PHACTR2: variants seen among roughly 807,000 people sequenced by gnomAD.
The protein encoded by PHACTR2 is phosphatase and actin regulator 2.
A neutral mutation model predicts 76.0 loss-of-function variants in PHACTR2; 30 were observed. That is an observed-to-expected ratio of 0.39 (90% confidence interval 0.30 to 0.54). The LOEUF (loss-of-function observed/expected upper bound fraction) is 0.54. Among genes scored for constraint, PHACTR2 ranks in the 20% least tolerant of loss-of-function variants. The pLI is 0.61. For missense variants in PHACTR2, 696 were observed against 781.1 expected (o/e 0.89, Z 1.30); for synonymous variants, 292 against 292.5 (o/e 1.00, Z 0.02).
rs1779443326 is a variant in PHACTR2 at position 143,761,590 on chromosome 6, C to G, written c.694+950C>G. ...TCAACATGGTGAAACCCTGTCTCTGCTAAAAATACAAGAATTAGCCAGGCG... is the reference window on the plus strand; with the variant it reads ...TCAACATGGTGAAACCCTGTCTCTGGTAAAAATACAAGAATTAGCCAGGCG... On this transcript the variant is annotated intron_variant, in intron 5 of 12. Transcript: ENST00000440869. The surrounding 1 kb of genome is among the most constrained non-coding windows in gnomAD (Gnocchi z 5.2). Among the ~76,000 whole-genome samples, 1 of 152,018 alleles carries G rather than the reference C, an allele frequency of 6.6e-6. No homozygotes were observed. The highest frequency in any genetic ancestry group is 6.6e-5 in the Admixed American group (1 of 15,246).
At position 143,652,339 on chromosome 6, in the gene PHACTR2, AG is replaced by A. The variant is rs1443762716; in HGVS notation, c.13+44018del. ...ATAAAATATTTTGAAGTTTTTCCAA[AG>A]AAAAGAAACTCTGCCTGGCTGCATC... On this transcript the variant is annotated intron_variant, in intron 1 of 11. Transcript: ENST00000305766. This position sits in a 1 kb window ranked among gnomAD's most constrained non-coding sequence, Gnocchi z 4.5. Among the ~76,000 whole-genome samples the A allele has an allele frequency of 6.6e-6, 1 of 152,238 alleles. No homozygotes were observed. Among genetic ancestry groups the A allele is most frequent in the Non-Finnish European group, 1.5e-5 (1 of 68,048 alleles).
Position 143,774,466 on chromosome 6 carries a change from C to T in PHACTR2, c.1589+251C>T, listed in dbSNP as rs1775227373. On this transcript the variant is annotated intron_variant, in intron 8 of 12. Coordinates refer to ENST00000440869, the MANE Select transcript of PHACTR2 (RefSeq NM_001100164.2). This position sits in a 1 kb window ranked among gnomAD's most constrained non-coding sequence, Gnocchi z 5.4. ...TTTTTTTTAAAGACCAGTTGGCAAA[C>T]ATTTCAGGCTTTGCTGGCCAGACAG... Among the ~76,000 whole-genome samples, 1 of 152,238 alleles carries T rather than the reference C, an allele frequency of 6.6e-6. No individual in the cohort carries two copies. The highest frequency in any genetic ancestry group is 1.5e-5 in the Non-Finnish European group (1 of 68,044).
At chr6:143,749,632 A>T (rs1431461612) in intron 3 of PHACTR2, among the ~76,000 whole-genome samples, 1 of 152,112 alleles carries the variant, frequency 6.6e-6, no homozygotes, top group Non-Finnish European at 1.5e-5. Context: ...CATTTCTCTG[A>T]ATCTTTCCCT....
At chr6:143,629,400 A>G (rs1191199282) in intron 1 of PHACTR2, among the ~76,000 whole-genome samples, 1 of 152,142 alleles carries the variant, frequency 6.6e-6, no homozygotes, top group African/African-American at 2.4e-5. Flanking sequence ...CAAGCTCCAC[A>G]TTGGACAAGG....
In PHACTR2 at chr6:143,818,011, A is replaced by G. The variant is rs1776336926; in HGVS notation, c.1923-5663A>G. The stretch of plus-strand genomic sequence containing the variant: ...AGAATTTTGAATGTTCCTGACACAA[A>G]GAAATGATAAATGTGTAGGATGATT... On this transcript the variant is annotated intron_variant, in intron 12 of 12. Coordinates refer to ENST00000440869, the MANE Select transcript of PHACTR2 (RefSeq NM_001100164.2). The surrounding 1 kb of genome is among the most constrained non-coding windows in gnomAD (Gnocchi z 4.9). Among the ~76,000 whole-genome samples, 1 of 152,236 alleles carries G rather than the reference A, an allele frequency of 6.6e-6. No homozygotes were observed. Among genetic ancestry groups the G allele is most frequent in the Non-Finnish European group, 1.5e-5 (1 of 68,034 alleles).
Position 143,547,549 on chromosome 6 carries a change from C to T in PHACTR2, c.217+10342C>T, listed in dbSNP as rs1040540147. ...CTGTGAGATCTAGAAAGTAAAGGAG[C>T]TTTGAAACAGCCACTGTGACATTTG... On this transcript the variant is annotated intron_variant, in intron 1 of 11. Transcript: ENST00000367584. This position sits in a 1 kb window ranked among gnomAD's most constrained non-coding sequence, Gnocchi z 4.2. Among the ~76,000 whole-genome samples the T allele has an allele frequency of 3.0e-4, 45 of 152,204 alleles. No homozygotes were observed. The highest frequency in any genetic ancestry group is 1.0e-3 in the African/African-American group (42 of 41,498).
In PHACTR2 at chr6:143,598,624, TCTC is replaced by T. The variant is rs1256652504; in HGVS notation, c.217+61418_217+61420del. On this transcript the variant is annotated intron_variant, in intron 1 of 11. Coordinates refer to the PHACTR2 transcript ENST00000367584. This position sits in a 1 kb window ranked among gnomAD's most constrained non-coding sequence, Gnocchi z 4.1. ...CGCAGTCATCTGATGGCAAAGCACT[TCTC>T]TAAGAACAACCACATGGCTTCCCCT... is the stretch of plus-strand genomic sequence containing the variant. Among the ~76,000 whole-genome samples the T allele has an allele frequency of 2.6e-5, 4 of 152,164 alleles. No individual in the cohort carries two copies. The East Asian group carries it at 7.7e-4, about 29-fold the overall frequency.
rs1562256009 is a variant in PHACTR2 at position 143,639,487 on chromosome 6, G to A, written c.13+31165G>A. Among the ~76,000 whole-genome samples, 1 of 152,120 alleles carries A rather than the reference G, an allele frequency of 6.6e-6. No individual in the cohort carries two copies. Among genetic ancestry groups the A allele is most frequent in the African/African-American group, 2.4e-5 (1 of 41,442 alleles). On this transcript the variant is annotated intron_variant, in intron 1 of 11. Coordinates refer to the PHACTR2 transcript ENST00000305766. This position sits in a 1 kb window ranked among gnomAD's most constrained non-coding sequence, Gnocchi z 5.0. Reference sequence around the variant, plus strand: ...ATTCACACTTTTGTTTTCTGCTTATGTAGATCACCTATTTTTACTTTTGGC... The same window carrying A: ...ATTCACACTTTTGTTTTCTGCTTATATAGATCACCTATTTTTACTTTTGGC...
intron 1 of PHACTR2, among the ~76,000 whole-genome samples, chr6:143,666,274 T>C (rs1777034033): frequency 1.3e-5 from 2 of 152,198 alleles, no homozygotes; most frequent in African/African-American, 4.8e-5. Flanking sequence ...ATCCAGTCTA[T>C]CATTGATGTA....
intron 1 of PHACTR2, among the ~76,000 whole-genome samples, chr6:143,540,810 A>T (rs1475713867): frequency 6.6e-6 from 1 of 152,266 alleles, no homozygotes; most frequent in East Asian, 1.9e-4. Context: ...TTGAAGTAAC[A>T]GTGGAATTTA....
intron 2 of PHACTR2, 121 bp from the exon 3 acceptor site, chr6:143,748,864 A>G (rs1779125756): frequency 1.8e-6 from 1 of 569,808 alleles, no homozygotes; most frequent in Non-Finnish European, 3.1e-6. Context: ...TTAAGCAACT[A>G]AGAAAACGAG....
Position 143,717,569 on chromosome 6 carries a change from C to CT in PHACTR2, c.214+5399dup, listed in dbSNP as rs11349813. Among the ~76,000 whole-genome samples the CT allele has an allele frequency of 6.3e-3, 895 of 143,108 alleles. 7 individuals carry two copies. Among genetic ancestry groups the CT allele is most frequent in the African/African-American group, 0.018 (724 of 39,282 alleles). The allele number at this position is 143,108 out of a possible 152,430, so 93.9% of individuals were successfully genotyped here. ...AAATGCAGTACTGGGTGCTTTAGGACTTTTTTTTTTTTTGGTGGGGGAAGG... is the reference window on the plus strand; with the variant it reads ...AAATGCAGTACTGGGTGCTTTAGGACTTTTTTTTTTTTTTGGTGGGGGAAGG... On this transcript the variant is annotated intron_variant, in intron 2 of 12. Coordinates refer to ENST00000440869, the MANE Select transcript of PHACTR2 (RefSeq NM_001100164.2).
At chr6:143,540,761 A>T (rs747759831) in intron 1 of PHACTR2, among the ~76,000 whole-genome samples, 1 of 152,236 alleles carries the variant, frequency 6.6e-6, no homozygotes, top group Non-Finnish European at 1.5e-5. Flanking sequence ...AAGTTAAGAA[A>T]ACAAAATATT....
rs958525656 is a variant in PHACTR2, at chr6:143,822,588, A to G, written c.1923-1086A>G. Among the ~76,000 whole-genome samples, 5 of 152,208 alleles carry G rather than the reference A, an allele frequency of 3.3e-5. No homozygotes were observed. Among genetic ancestry groups the G allele is most frequent in the African/African-American group, 1.2e-4 (5 of 41,462 alleles). On this transcript the variant is annotated intron_variant, in intron 12 of 12. Coordinates refer to ENST00000440869, the MANE Select transcript of PHACTR2 (RefSeq NM_001100164.2). This position sits in a 1 kb window ranked among gnomAD's most constrained non-coding sequence, Gnocchi z 5.5. ...AAGGATAGTGTGAGCAACAGTGAGG[A>G]GCATAGATTTGATGGAGAGAGCCTG...
At position 143,652,615 on chromosome 6, in the gene PHACTR2, C is replaced by T. The variant is rs1192763804; in HGVS notation, c.13+44293C>T. Reference sequence around the variant, plus strand: ...AGTTTTCAGATCTTATTAAAAAGCTCAGGGTTTCGGGAATCCGACTGTTCT... The same window carrying T: ...AGTTTTCAGATCTTATTAAAAAGCTTAGGGTTTCGGGAATCCGACTGTTCT... On this transcript the variant is annotated intron_variant, in intron 1 of 11. Transcript: ENST00000305766. The surrounding 1 kb of genome is among the most constrained non-coding windows in gnomAD (Gnocchi z 4.5). 1.3e-5 allele frequency among the ~76,000 whole-genome samples: 2 copies of T among 152,212 alleles called. No individual in the cohort carries two copies. Among genetic ancestry groups the T allele is most frequent in the East Asian group, 1.9e-4 (1 of 5,190 alleles).
chr6:143,765,040 T>C lies in PHACTR2; in HGVS notation c.695-221T>C, dbSNP rs780995480. On this transcript the variant is annotated intron_variant, in intron 5 of 12. Transcript: ENST00000440869. The surrounding 1 kb of genome is among the most constrained non-coding windows in gnomAD (Gnocchi z 4.1). ...AGAGAAGACAGAGGACTCTTGTTCC[T>C]CTGAGTTTTGCCGTAAATATCACTT... Among the ~76,000 whole-genome samples the C allele has an allele frequency of 2.6e-5, 4 of 152,154 alleles. No individual in the cohort carries two copies. Among genetic ancestry groups the C allele is most frequent in the African/African-American group, 4.8e-5 (2 of 41,442 alleles).
chr6:143,598,092 G>T lies in PHACTR2; in HGVS notation c.217+60885G>T, dbSNP rs56364724. 1.3e-5 allele frequency among the ~76,000 whole-genome samples: 2 copies of T among 151,182 alleles called. No individual in the cohort carries two copies. The highest frequency in any genetic ancestry group is 4.9e-5 in the African/African-American group (2 of 41,022). ...TAGTAGGTCGAAGAATGCCCCCCGC[G>T]CCCCCAAAAAAGAACCATATCTTAA... On this transcript the variant is annotated intron_variant, in intron 1 of 11. Coordinates refer to the PHACTR2 transcript ENST00000367584. The surrounding 1 kb of genome is among the most constrained non-coding windows in gnomAD (Gnocchi z 4.1).
rs1776888316 is a variant in PHACTR2 at position 143,658,468 on chromosome 6, A to G, written c.13+50146A>G. On this transcript the variant is annotated intron_variant, in intron 1 of 11. Coordinates refer to the PHACTR2 transcript ENST00000305766. This position sits in a 1 kb window ranked among gnomAD's most constrained non-coding sequence, Gnocchi z 4.1. The stretch of plus-strand genomic sequence containing the variant: ...TGCATTGCTTAAAGACAGGGATACA[A>G]TCTGAGGTGTGTTGTTAAGTGATTT... Among the ~76,000 whole-genome samples, 1 of 152,192 alleles carries G rather than the reference A, an allele frequency of 6.6e-6. No individual in the cohort carries two copies. Among genetic ancestry groups the G allele is most frequent in the African/African-American group, 2.4e-5 (1 of 41,456 alleles).
In PHACTR2 at chr6:143,683,804, A is replaced by G. The variant is rs543769340; in HGVS notation, c.46+5595A>G. 9.3e-4 allele frequency among the ~76,000 whole-genome samples: 141 copies of G among 152,260 alleles called. No individual in the cohort carries two copies. Among genetic ancestry groups the G allele is most frequent in the African/African-American group, 3.2e-3 (135 of 41,544 alleles). ...ACAAGATGGTTTGGGATAAAAATGA[A>G]TTTACTCCCTCCCAGAATCCTCCAG... On this transcript the variant is annotated intron_variant, in intron 1 of 12. Coordinates refer to ENST00000440869, the MANE Select transcript of PHACTR2 (RefSeq NM_001100164.2). The surrounding 1 kb of genome is among the most constrained non-coding windows in gnomAD (Gnocchi z 4.1).
Sources: allele counts gnomAD v4.1 joint callset (sites outside exome capture counted in the v4.1 genomes callset), GRCh38; gene constraint gnomAD v4.1.1; non-coding constraint Gnocchi (gnomAD v3.1); transcripts MANE v1.5; gene names NCBI Gene and HGNC (gene_info 2026-07-23, HGNC 2026-07-21).